Variants in C16orf74 observed in about 807,000 individuals in gnomAD.
The protein encoded by C16orf74 is uncharacterized protein C16orf74.
A neutral mutation model predicts 6.5 loss-of-function variants in C16orf74; 10 were observed. The ratio of observed to expected loss-of-function variants is 1.54; its 90% CI spans 0.95 to 2.61. The LOEUF is 2.61. Ranked by LOEUF, C16orf74 falls within the 30% of genes most tolerant of loss-of-function variation. The pLI is 0.00. For synonymous variants in C16orf74, 60 were observed against 42.5 expected (o/e 1.41, Z -1.60); for missense variants, 141 against 105.9 (o/e 1.33, Z -1.45).
chr16:85,736,236 G>C (rs1163718375), intron 1 of C16orf74, among the ~76,000 whole-genome samples: 1 of 152,164 alleles, frequency 6.6e-6, no homozygotes, highest in African/African-American at 2.4e-5. Flanking sequence ...GGACGCCAAG[G>C]AGCAAGTCTG....
intron 2 of C16orf74, among the ~76,000 whole-genome samples, chr16:85,731,372 G>A (rs1005163879): frequency 9.2e-5 from 14 of 152,236 alleles, no homozygotes; most frequent in African/African-American, 2.7e-4. Context: ...CTGCTCCAAG[G>A]CCAAATCGTT....
chr16:85,708,382 G>A (rs775481116), intron 3 of C16orf74, among the ~76,000 whole-genome samples: 1 of 152,188 alleles, frequency 6.6e-6, no homozygotes, highest in African/African-American at 2.4e-5. Context: ...CCATTTTATA[G>A]GTGAGGACAC....
intron 2 of C16orf74, among the ~76,000 whole-genome samples, chr16:85,728,460 C>T (rs557939881): frequency 5.9e-5 from 9 of 152,194 alleles, no homozygotes; most frequent in Admixed American, 4.6e-4. Context: ...TGGGACCAGT[C>T]TCATTCCCAG....
intron 2 of C16orf74, among the ~76,000 whole-genome samples, chr16:85,729,204 C>G (rs186692188): frequency 7.9e-5 from 12 of 152,362 alleles, no homozygotes; most frequent in Non-Finnish European, 1.6e-4. Flanking sequence ...GTCCCCTGTG[C>G]CTCAGCCTCC....
chr16:85,727,621 G>A (rs932597846), intron 2 of C16orf74, among the ~76,000 whole-genome samples: 2 of 150,384 alleles, frequency 1.3e-5, no homozygotes, highest in Non-Finnish European at 3.0e-5. Context: ...ACCAACCTGC[G>A]CAACATGGTA....
chr16:85,749,189 G>A (rs537859246), intron 1 of C16orf74, among the ~76,000 whole-genome samples: 6 of 152,292 alleles, frequency 3.9e-5, no homozygotes, highest in Admixed American at 6.5e-5. Context: ...CCACGGCTCA[G>A]GGTTCCAGGC....
At chr16:85,742,402 C>G (rs1423747482) in intron 1 of C16orf74, among the ~76,000 whole-genome samples, 1 of 152,136 alleles carries the variant, frequency 6.6e-6, no homozygotes, top group Non-Finnish European at 1.5e-5. Context: ...GGCACCTTCC[C>G]TGCTTCCCAC....
intron 2 of C16orf74, among the ~76,000 whole-genome samples, chr16:85,724,049 A>G (rs2152061075): frequency 6.6e-6 from 1 of 151,866 alleles, no homozygotes; most frequent in South Asian, 2.1e-4. Flanking sequence ...TCTGTTGCCC[A>G]GGCTGGAATG....
intron 3 of C16orf74, among the ~76,000 whole-genome samples, chr16:85,709,888 CG>C (rs1187432230): frequency 6.6e-6 from 1 of 150,790 alleles, no homozygotes; most frequent in Non-Finnish European, 1.5e-5. Flanking sequence ...GCCGGAGCCG[CG>C]GCGTGGCGGG....
chr16:85,750,189 T>C (rs1297710400), intron 1 of C16orf74, among the ~76,000 whole-genome samples: 1 of 151,978 alleles, frequency 6.6e-6, no homozygotes, highest in Non-Finnish European at 1.5e-5. Flanking sequence ...CTTCCCTTCC[T>C]CCCTCTTCCT....
chr16:85,722,587 G>A (rs774359380), intron 2 of C16orf74, among the ~76,000 whole-genome samples: 1 of 152,234 alleles, frequency 6.6e-6, no homozygotes, highest in Non-Finnish European at 1.5e-5. Context: ...CCCGCTGAGT[G>A]GGCCCAGGGC....
In C16orf74 at chr16:85,748,937, T is replaced by TA. The variant is rs1483427118; in HGVS notation, c.-19+1988_-19+1989insT. 9.2e-3 allele frequency among the ~76,000 whole-genome samples: 103 copies of TA among 11,192 alleles called. No individual in the cohort carries two copies. The East Asian group carries it at 0.1, about 11-fold the overall frequency. The allele number at this position is 11,192 out of a possible 152,430, so 7.3% of individuals were successfully genotyped here. A position where few individuals can be genotyped will look rare whatever the true frequency, so the allele number is the denominator to read the frequency against. On this transcript the variant is annotated intron_variant, in intron 1 of 3. Transcript: ENST00000284245. Reference sequence around the variant, plus strand: ...TTGGGAGGCTTTGATTTTTTTTTTTTTTTTTTTTTTATTTTATTTTTTTTT... The same window carrying TA: ...TTGGGAGGCTTTGATTTTTTTTTTTTATTTTTTTTTTATTTTATTTTTTTTT...
At chr16:85,739,100 T>A (rs867806437) in intron 1 of C16orf74, among the ~76,000 whole-genome samples, 1 of 152,124 alleles carries the variant, frequency 6.6e-6, no homozygotes, top group Non-Finnish European at 1.5e-5. Context: ...TCATCAATTG[T>A]GCCCATGCTG....
At chr16:85,713,488 G>C (rs761905097) in intron 2 of C16orf74, among the ~76,000 whole-genome samples, 35 of 152,150 alleles carry the variant, frequency 2.3e-4, no homozygotes, top group Non-Finnish European at 4.9e-4. Context: ...GGCCAGGCTG[G>C]TCTCAAACTC....
chr16:85,749,153 C>A (rs1334123818), intron 1 of C16orf74, among the ~76,000 whole-genome samples: 1 of 152,036 alleles, frequency 6.6e-6, no homozygotes, highest in Non-Finnish European at 1.5e-5. Flanking sequence ...AGCCTGGCTT[C>A]CACTGCAGGT....
At chr16:85,741,680 A>C (rs2054309933) in intron 1 of C16orf74, 1 of 170,406 alleles carries the variant, frequency 5.9e-6, no homozygotes. Flanking sequence ...GGCGGCAGGC[A>C]CAGGACTGGC....
At chr16:85,748,120 G>GTGTGTATATATATATACATATATATATA (rs2054394364) in intron 1 of C16orf74, among the ~76,000 whole-genome samples, 1 of 46,914 alleles carries the variant, frequency 2.1e-5, no homozygotes, top group African/African-American at 6.9e-5. Flanking sequence ...ATATATATAT[G>GTGTGTATATATATATACATATATATATA]TGTGTGTGTA....
chr16:85,720,303 C>A (rs993127089), intron 2 of C16orf74, among the ~76,000 whole-genome samples: 1 of 152,150 alleles, frequency 6.6e-6, no homozygotes, highest in Non-Finnish European at 1.5e-5. Flanking sequence ...GGTGCCCAGC[C>A]GCCTGGCTCT....
At chr16:85,732,193 G>C (rs1334731655) in intron 2 of C16orf74, among the ~76,000 whole-genome samples, 1 of 152,226 alleles carries the variant, frequency 6.6e-6, no homozygotes, top group Non-Finnish European at 1.5e-5. Context: ...CCTCCTTAGA[G>C]CTTCCAGAAG....
Sources: gnomAD v4.1 joint callset for allele counts (sites outside exome capture counted in the v4.1 genomes callset) on GRCh38, gnomAD v4.1.1 for gene constraint, MANE v1.5 for transcripts, NCBI Gene and HGNC (gene_info 2026-07-23, HGNC 2026-07-21) for gene names.